The following TRIQK variants were observed in gnomAD, a reference collection of about 807,000 sequenced individuals.
TRIQK encodes triple QxxK/R motif containing, also known as triple QxxK/R motif-containing protein.
In TRIQK, 10 loss-of-function variants were observed where a neutral mutation model predicts 10.8. The ratio of observed to expected loss-of-function variants is 0.92; its 90% CI spans 0.57 to 1.57. TRIQK has a LOEUF of 1.57. Ranked by LOEUF, TRIQK falls within the 40% of genes most tolerant of loss-of-function variation. TRIQK has a pLI of 0.00. For synonymous variants in TRIQK, 33 were observed against 33.7 expected, an observed-to-expected ratio of 0.98 and a Z score of 0.07; for missense variants, 107 against 97.7, an observed-to-expected ratio of 1.09 and a Z score of -0.40.
intron 1 of TRIQK, among the ~76,000 whole-genome samples, chr8:93,010,351 AT>A (rs1168343983): frequency 2.4e-4 from 37 of 152,170 alleles, no homozygotes; most frequent in African/African-American, 7.0e-4. Flanking sequence ...GTATCTATGT[AT>A]TGAAACATCA....
At chr8:92,903,301 A>G (rs993221824) in intron 3 of TRIQK, among the ~76,000 whole-genome samples, 1 of 151,824 alleles carries the variant, frequency 6.6e-6, no homozygotes, top group East Asian at 1.9e-4. Context: ...CAGCTTTGAC[A>G]TTTGTCATTG....
chr8:92,886,538 G>A lies in TRIQK; in HGVS notation c.*84C>T. The stretch of plus-strand genomic sequence containing the variant: ...AATATTAGCAGAAAGAATTAAAGAT[G>A]TTACAGTTTCAGTATTGAAAGTTTT... On this transcript the variant is annotated 3_prime_UTR_variant, in exon 5 of 5. Transcript: ENST00000521988. The A allele has an allele frequency of 1.4e-6, 1 of 713,268 alleles. No individual in the cohort carries two copies. The highest frequency in any genetic ancestry group is 2.3e-6 in the Non-Finnish European group (1 of 441,990). 44.2% of individuals were successfully genotyped at this position (713,268 alleles called of 1,614,324 possible).
intron 1 of TRIQK, among the ~76,000 whole-genome samples, chr8:92,960,124 A>G (rs1333009723): frequency 1.3e-5 from 2 of 151,980 alleles, no homozygotes; most frequent in African/African-American, 4.8e-5. Flanking sequence ...CAGCTCAGGA[A>G]AGTTTTTTCT....
intron 4 of TRIQK, 52 bp from the exon 5 acceptor site, chr8:92,886,787 C>T: frequency 1.0e-6 from 1 of 989,798 alleles, no homozygotes; most frequent in Non-Finnish European, 1.5e-6. Context: ...GATTGGTTAA[C>T]ATTATTAGTT....
At chr8:92,921,380 T>C (rs1447533606) in intron 2 of TRIQK, 1 of 151,842 alleles carries the variant, frequency 6.6e-6, no homozygotes, top group African/African-American at 2.4e-5. Context: ...TGTTCTCCTT[T>C]TTTTTTCCTC....
intron 3 of TRIQK, among the ~76,000 whole-genome samples, chr8:92,909,712 T>C (rs1809468459): frequency 6.6e-6 from 1 of 151,722 alleles, no homozygotes; most frequent in African/African-American, 2.4e-5. Context: ...AAATTCATAT[T>C]AAAAATGCTA....
At chr8:92,895,923 TA>T (rs754629871) in intron 3 of TRIQK, among the ~76,000 whole-genome samples, 2 of 150,260 alleles carry the variant, frequency 1.3e-5, no homozygotes, top group African/African-American at 4.9e-5. Flanking sequence ...ATGTAAAGAA[TA>T]AAAAAAAAGT....
chr8:93,002,812 T>C (rs1338213334), intron 1 of TRIQK, among the ~76,000 whole-genome samples: 5 of 151,474 alleles, frequency 3.3e-5, no homozygotes, highest in Non-Finnish European at 2.9e-5. Context: ...CCCGGCTACT[T>C]GGAAGACTAA....
chr8:92,943,377 G>A (rs1429261384), intron 2 of TRIQK, among the ~76,000 whole-genome samples: 1 of 152,064 alleles, frequency 6.6e-6, no homozygotes, highest in East Asian at 1.9e-4. Flanking sequence ...GCAATTTTGA[G>A]CAAAAAAGAA....
intron 1 of TRIQK, among the ~76,000 whole-genome samples, chr8:93,006,818 A>G (rs1813277946): frequency 6.6e-6 from 1 of 152,130 alleles, no homozygotes; most frequent in South Asian, 2.1e-4. Flanking sequence ...GAATCTCAGC[A>G]ACTCCAGCCA....
chr8:92,919,266 T>A (rs1044826083), intron 2 of TRIQK, among the ~76,000 whole-genome samples: 2 of 151,890 alleles, frequency 1.3e-5, no homozygotes, highest in African/African-American at 4.8e-5. Flanking sequence ...GAGAATGTCA[T>A]TGGTATTTTG....
At chr8:92,895,220 G>T (rs1385068809) in intron 3 of TRIQK, among the ~76,000 whole-genome samples, 1 of 152,182 alleles carries the variant, frequency 6.6e-6, no homozygotes, top group Non-Finnish European at 1.5e-5. Flanking sequence ...CCAGAGGCAG[G>T]CCCCTCCAGC....
At chr8:92,970,580 C>G (rs1027656519), upstream of TRIQK, among the ~76,000 whole-genome samples, 1 of 151,954 alleles carries the variant, frequency 6.6e-6, no homozygotes, top group African/African-American at 2.4e-5. Flanking sequence ...TCATATGTTT[C>G]TTGGCCACAT....
At chr8:92,911,902 C>CATATATAT (rs3061292) in intron 3 of TRIQK, among the ~76,000 whole-genome samples, 1 of 140,612 alleles carries the variant, frequency 7.1e-6, no homozygotes, top group East Asian at 2.1e-4. Context: ...TGTGTGTAGA[C>CATATATAT]ATATATATAT....
chr8:93,001,748 A>C, intron 1 of TRIQK, among the ~76,000 whole-genome samples: 1 of 152,210 alleles, frequency 6.6e-6, no homozygotes, highest in East Asian at 1.9e-4. Context: ...AAAATCAATA[A>C]AGAAACATTG....
intron 2 of TRIQK, among the ~76,000 whole-genome samples, chr8:92,925,885 A>G (rs1014644030): frequency 2.6e-5 from 4 of 152,152 alleles, no homozygotes; most frequent in Admixed American, 2.6e-4. Context: ...TTACAAAAAT[A>G]CTTTCTACAA....
intron 1 of TRIQK, among the ~76,000 whole-genome samples, chr8:92,975,417 A>G (rs1335839557): frequency 1.3e-5 from 2 of 152,302 alleles, no homozygotes; most frequent in East Asian, 3.9e-4. Context: ...GACCATTAGT[A>G]GTTTGTATAC....
intron 2 of TRIQK, among the ~76,000 whole-genome samples, chr8:92,944,539 T>C (rs1339966909): frequency 2.0e-5 from 3 of 152,014 alleles, no homozygotes; most frequent in African/African-American, 7.2e-5. Flanking sequence ...TAAAAAAGAA[T>C]GAAATCCTGG....
chr8:92,913,270 A>G (rs1401945198), intron 3 of TRIQK, among the ~76,000 whole-genome samples: 1 of 152,158 alleles, frequency 6.6e-6, no homozygotes, highest in Non-Finnish European at 1.5e-5. Flanking sequence ...AACTTAAACA[A>G]ATTTACAAGA....
Sources: allele counts gnomAD v4.1 joint callset (sites outside exome capture counted in the v4.1 genomes callset), GRCh38; gene constraint gnomAD v4.1.1; transcripts MANE v1.5; gene names NCBI Gene and HGNC (gene_info 2026-07-23, HGNC 2026-07-21).